TSPAN9: variants seen among roughly 807,000 people sequenced by gnomAD.
The protein encoded by TSPAN9 is tetraspanin 9.
A neutral mutation model predicts 31.0 loss-of-function variants in TSPAN9; 16 were observed. The observed-to-expected ratio is 0.52, with a 90% CI of 0.35 to 0.78. TSPAN9 has a LOEUF of 0.78. Among genes scored for constraint, TSPAN9 ranks in the 30% least tolerant of loss-of-function variants. The pLI is 0.01. For missense variants in TSPAN9, 272 were observed against 312.5 expected (o/e 0.87, Z 0.98); for synonymous variants, 145 against 121.6 (o/e 1.19, Z -1.27).
At chr12:3,117,601 AC>A (rs923357843) in intron 2 of TSPAN9, among the ~76,000 whole-genome samples, 3 of 152,130 alleles carry the variant, frequency 2.0e-5, no homozygotes, top group African/African-American at 7.2e-5. Flanking sequence ...CAGGCAGCAC[AC>A]ATTCTGGGTA....
At chr12:3,256,507 C>T (rs564379702) in intron 3 of TSPAN9, among the ~76,000 whole-genome samples, 7 of 152,342 alleles carry the variant, frequency 4.6e-5, no homozygotes, top group East Asian at 3.9e-4. Context: ...TAGCGGATGA[C>T]GGGCTGTAGC....
At chr12:3,239,897 A>C (rs1323874307) in intron 3 of TSPAN9, among the ~76,000 whole-genome samples, 3 of 151,978 alleles carry the variant, frequency 2.0e-5, no homozygotes, top group African/African-American at 7.3e-5. Flanking sequence ...AGCCAAAAAA[A>C]CACTGACTAT....
intron 2 of TSPAN9, among the ~76,000 whole-genome samples, chr12:3,104,894 G>C (rs1440333353): frequency 6.6e-6 from 1 of 152,176 alleles, no homozygotes; most frequent in African/African-American, 2.4e-5. Flanking sequence ...AGAGCAAAAG[G>C]GCCGGTCATT....
At chr12:3,127,838 T>G (rs1178079645) in intron 2 of TSPAN9, among the ~76,000 whole-genome samples, 1 of 152,138 alleles carries the variant, frequency 6.6e-6, no homozygotes, top group Non-Finnish European at 1.5e-5. Flanking sequence ...GTTGCCCAGG[T>G]TAGACTCGAA....
At chr12:3,150,878 G>C (rs1363642460) in intron 2 of TSPAN9, 1 of 152,246 alleles carries the variant, frequency 6.6e-6, no homozygotes, top group Non-Finnish European at 1.5e-5. Flanking sequence ...AGAGCACTCA[G>C]AACGCCTCAT....
intron 2 of TSPAN9, among the ~76,000 whole-genome samples, chr12:3,176,796 C>T (rs1482190810): frequency 2.0e-5 from 3 of 152,374 alleles, no homozygotes; most frequent in East Asian, 1.9e-4. Flanking sequence ...GAGAATCGTG[C>T]ACCTTTCAGG....
At chr12:3,139,477 C>T (rs35207554) in intron 2 of TSPAN9, among the ~76,000 whole-genome samples, 6 of 152,160 alleles carry the variant, frequency 3.9e-5, no homozygotes, top group Middle Eastern at 3.2e-3. Flanking sequence ...CTTCAGGCTG[C>T]GCTGCCCTCT....
chr12:3,281,692 T>G, intron 7 of TSPAN9, 42 bp from the exon 8 acceptor site: 2 of 1,595,548 alleles, frequency 1.3e-6, no homozygotes, highest in Non-Finnish European at 1.7e-6. Flanking sequence ...AGGGAGCGCA[T>G]GCTTGGGCTG....
intron 3 of TSPAN9, among the ~76,000 whole-genome samples, chr12:3,223,599 A>T (rs2098385674): frequency 6.6e-6 from 1 of 152,126 alleles, no homozygotes. Context: ...ACCTTGTTTT[A>T]GAGTAAAAAA....
intron 2 of TSPAN9, among the ~76,000 whole-genome samples, chr12:3,189,731 G>T (rs1047271550): frequency 3.9e-5 from 6 of 152,186 alleles, no homozygotes; most frequent in African/African-American, 1.4e-4. Context: ...CCTTTAGGAG[G>T]CCCCTTCAGT....
At chr12:3,218,108 A>C (rs1034271279) in intron 3 of TSPAN9, among the ~76,000 whole-genome samples, 1 of 152,052 alleles carries the variant, frequency 6.6e-6, no homozygotes, top group Non-Finnish European at 1.5e-5. Flanking sequence ...GGATGTGTAC[A>C]GATTTTGGGT....
At chr12:3,246,473 T>G (rs1231800170) in intron 3 of TSPAN9, among the ~76,000 whole-genome samples, 2 of 152,186 alleles carry the variant, frequency 1.3e-5, no homozygotes, top group Non-Finnish European at 2.9e-5. Flanking sequence ...CCCTGAACAC[T>G]GTTTCCTTCC....
chr12:3,198,821 A>C (rs1228869556), intron 2 of TSPAN9, among the ~76,000 whole-genome samples: 1 of 18,468 alleles, frequency 5.4e-5, no homozygotes, highest in African/African-American at 8.4e-5. Context: ...AGCACAGCTC[A>C]CCACCAGCAC....
At position 3,235,028 on chromosome 12, in the gene TSPAN9, G is replaced by A. The variant is rs1308568637; in HGVS notation, c.63+33772G>A. 6.1e-5 allele frequency among the ~76,000 whole-genome samples: 9 copies of A among 148,262 alleles called. No homozygotes were observed. The South Asian group carries it at 1.3e-3, about 22-fold the overall frequency. Reference sequence around the variant, plus strand: ...ATACAAAAAAAAAAATTAGCCGGGCGTGGTGGTGGGCGCCTGTAGTCCCAG... The same window carrying A: ...ATACAAAAAAAAAAATTAGCCGGGCATGGTGGTGGGCGCCTGTAGTCCCAG... On this transcript the variant is annotated intron_variant, in intron 3 of 8. Transcript: ENST00000011898.
Position 3,283,340 on chromosome 12 carries a change from C to T in TSPAN9, c.*224C>T. 1 of 537,868 alleles carries T rather than the reference C, an allele frequency of 1.9e-6. No homozygotes were observed. The highest frequency in any genetic ancestry group is 3.3e-6 in the Non-Finnish European group (1 of 305,220). The allele number at this position is 537,868 out of a possible 1,614,324, so 33.3% of individuals were successfully genotyped here. ...GGGGCTCGGGGCCCCTGGATTCCTG[C>T]ATCTGCATATGCGTATTTGCCAAAG... On this transcript the variant is annotated 3_prime_UTR_variant, in exon 9 of 9. Transcript: ENST00000011898.
chr12:3,208,576 T>G (rs1700063900), intron 3 of TSPAN9, among the ~76,000 whole-genome samples: 1 of 152,216 alleles, frequency 6.6e-6, no homozygotes, highest in Non-Finnish European at 1.5e-5. Flanking sequence ...CTGGGCAGCT[T>G]GGCTTGTGAC....
intron 3 of TSPAN9, among the ~76,000 whole-genome samples, chr12:3,270,831 T>C (rs1257846532): frequency 1.3e-5 from 2 of 152,358 alleles, no homozygotes; most frequent in East Asian, 3.9e-4. Flanking sequence ...GAGGTGTAGG[T>C]ATTGTAACAG....
chr12:3,218,628 GGA>G (rs2098382620), intron 3 of TSPAN9, among the ~76,000 whole-genome samples: 1 of 152,158 alleles, frequency 6.6e-6, no homozygotes, highest in Non-Finnish European at 1.5e-5. Context: ...ATGGGGAGGA[GGA>G]GAGGAAAAAC....
At chr12:3,130,586 G>A (rs34659927) in intron 2 of TSPAN9, among the ~76,000 whole-genome samples, 20,251 of 152,128 alleles carry the variant, frequency 0.13, 1,727 homozygotes, top group Middle Eastern at 0.23. Flanking sequence ...GGGGCAGGGT[G>A]GCAGAGTGGG....
Sources: allele counts gnomAD v4.1 joint callset (sites outside exome capture counted in the v4.1 genomes callset), GRCh38; gene constraint gnomAD v4.1.1; transcripts MANE v1.5; gene names NCBI Gene and HGNC (gene_info 2026-07-23, HGNC 2026-07-21).